The following UEVLD variants were observed in gnomAD, a reference collection of about 807,000 sequenced individuals.
The protein encoded by UEVLD is ubiquitin-conjugating enzyme E2 variant 3.
Under a neutral mutation model 58.6 loss-of-function variants are expected in UEVLD, and 47 were observed. The observed-to-expected ratio is 0.80, with a 90% CI of 0.63 to 1.02. The LOEUF (loss-of-function observed/expected upper bound fraction) is 1.02, where lower values mean the gene tolerates loss of function less well. UEVLD is among the 50% of genes least tolerant of loss of function. The probability of loss-of-function intolerance (pLI) is 0.00; values close to 1 mark genes in which losing one functional copy is unlikely to be tolerated. For synonymous variants in UEVLD, 197 were observed against 195.3 expected (o/e 1.01, Z -0.07); for missense variants, 510 against 550.6 (o/e 0.93, Z 0.74).
chr11:18,572,086 A>G (rs907087575), intron 3 of UEVLD, among the ~76,000 whole-genome samples: 2 of 151,982 alleles, frequency 1.3e-5, no homozygotes, highest in South Asian at 4.2e-4. Context: ...AATACAAAAA[A>G]TTAGCCAGGT....
intron 1 of UEVLD, 34 bp downstream of exon 1, chr11:18,588,579 G>A: frequency 6.2e-7 from 1 of 1,607,304 alleles, no homozygotes; most frequent in Non-Finnish European, 8.5e-7. Flanking sequence ...GCAAGACCCT[G>A]AGGACCCAAA....
intron 9 of UEVLD, 97 bp from the exon 10 acceptor site, chr11:18,536,566 A>G: frequency 2.0e-6 from 2 of 1,014,256 alleles, no homozygotes; most frequent in Admixed American, 2.1e-5. Context: ...CTGTGCTAAT[A>G]TTTATATAGA....
chr11:18,559,028 C>A (rs550360993), intron 6 of UEVLD, among the ~76,000 whole-genome samples: 106 of 151,770 alleles, frequency 7.0e-4, no homozygotes, highest in African/African-American at 2.5e-3. Context: ...GCATGCACCA[C>A]CATGCCCACC....
chr11:18,562,415 G>A (rs1275197559), intron 6 of UEVLD, among the ~76,000 whole-genome samples: 1 of 151,780 alleles, frequency 6.6e-6, no homozygotes, highest in Non-Finnish European at 1.5e-5. Context: ...AGTGGCACAC[G>A]CCTGTAATCC....
rs1850512291 is a variant in UEVLD, at chr11:18,530,204, C to A, written c.*2116G>T. ...GAAATAGTTCTTTCAGTTTTACTTT[C>A]CTATTTCATAAAAAAGGACAGTAAG... is the stretch of plus-strand genomic sequence containing the variant. On this transcript the variant is annotated 3_prime_UTR_variant, in exon 12 of 12. Coordinates refer to ENST00000396197, the MANE Select transcript of UEVLD (RefSeq NM_001040697.4). 1 of 152,088 alleles carries A rather than the reference C, an allele frequency of 6.6e-6. No individual in the cohort carries two copies. Among genetic ancestry groups the A allele is most frequent in the Non-Finnish European group, 1.5e-5 (1 of 68,014 alleles). 9.4% of individuals were successfully genotyped at this position (152,088 alleles called of 1,614,324 possible).
chr11:18,577,282 C>T (rs1234717715), intron 2 of UEVLD, among the ~76,000 whole-genome samples: 1 of 152,146 alleles, frequency 6.6e-6, no homozygotes, highest in East Asian at 1.9e-4. Context: ...GTAACAAAAT[C>T]AGTTATAGTC....
Position 18,530,354 on chromosome 11 carries a change from A to T in UEVLD, c.*1966T>A, listed in dbSNP as rs1850518095. On this transcript the variant is annotated 3_prime_UTR_variant, in exon 12 of 12. Transcript: ENST00000396197. ...AACTCTGGTTGGAATCTTTCCAAGC[A>T]TATTAAATAGTTTTCTGCTTTCCTA... 6.6e-6 allele frequency: 1 copy of T among 152,252 alleles called. No homozygotes were observed. 9.4% of individuals were successfully genotyped at this position (152,252 alleles called of 1,614,324 possible).
At chr11:18,577,770 G>A (rs1852996320) in intron 2 of UEVLD, among the ~76,000 whole-genome samples, 1 of 151,646 alleles carries the variant, frequency 6.6e-6, no homozygotes, top group Admixed American at 6.6e-5. Context: ...TACTCGGAAG[G>A]CTGAGGCAGG....
intron 3 of UEVLD, 28 bp downstream of exon 3, chr11:18,575,319 C>A: frequency 6.3e-7 from 1 of 1,578,570 alleles, no homozygotes; most frequent in South Asian, 1.2e-5. Flanking sequence ...TTAGAAAACT[C>A]ACACATTTTT....
chr11:18,556,096 G>A (rs1387840845), intron 7 of UEVLD, among the ~76,000 whole-genome samples: 2 of 152,170 alleles, frequency 1.3e-5, no homozygotes, highest in African/African-American at 2.4e-5. Context: ...CTATTCCAAG[G>A]ATTCTAGTCT....
At chr11:18,544,993 C>T (rs11024710) in intron 8 of UEVLD, among the ~76,000 whole-genome samples, 197 bp from the exon 9 acceptor site, 24,150 of 103,586 alleles carry the variant, frequency 0.23, 2,508 homozygotes, top group East Asian at 0.54. Context: ...TACATACACA[C>T]ATATATATAC....
At chr11:18,585,574 G>A (rs549667320) in intron 1 of UEVLD, among the ~76,000 whole-genome samples, 138 of 151,954 alleles carry the variant, frequency 9.1e-4, no homozygotes, top group African/African-American at 3.1e-3. Context: ...TTTACTTGCC[G>A]TAGTACTGAT....
At chr11:18,534,816 G>A (rs1043000773) in intron 10 of UEVLD, among the ~76,000 whole-genome samples, 6 of 152,198 alleles carry the variant, frequency 3.9e-5, no homozygotes, top group African/African-American at 7.2e-5. Context: ...AACTGCTATT[G>A]AGAATGTAAA....
At chr11:18,560,138 C>CACACACACACAGAGAG (rs368897951) in intron 6 of UEVLD, among the ~76,000 whole-genome samples, 1 of 74,840 alleles carries the variant, frequency 1.3e-5, no homozygotes, top group South Asian at 6.0e-4. Flanking sequence ...CACACACACA[C>CACACACACACAGAGAG]AGAGAGAGAA....
intron 9 of UEVLD, among the ~76,000 whole-genome samples, chr11:18,540,255 AACCACT>A (rs1247783357): frequency 1.3e-5 from 2 of 152,228 alleles, no homozygotes; most frequent in Non-Finnish European, 1.5e-5. Flanking sequence ...AAATCTGGAA[AACCACT>A]ACCTCCTTCA....
intron 1 of UEVLD, among the ~76,000 whole-genome samples, chr11:18,579,274 G>T (rs1377126259): frequency 1.3e-5 from 2 of 152,100 alleles, no homozygotes; most frequent in African/African-American, 4.8e-5. Flanking sequence ...CAGGTAGGTA[G>T]GGCTTTACAA....
chr11:18,558,506 T>C (rs1431009002), intron 6 of UEVLD, among the ~76,000 whole-genome samples, 176 bp from the exon 7 acceptor site: 1 of 152,080 alleles, frequency 6.6e-6, no homozygotes, highest in Non-Finnish European at 1.5e-5. Context: ...ATTATTAACT[T>C]TGGCTGGGCT....
At position 18,566,379 on chromosome 11, in the gene UEVLD, T is replaced by C; in HGVS notation, c.461A>G (p.Asp154Gly). The change falls in exon 5 of 12, where the codon GAC (aspartate) becomes GGC (glycine). Residue 154 changes from aspartate (D) to glycine (G), a missense_variant. Asp to Gly is a moderately conservative substitution (Grantham distance 94). Transcript: ENST00000396197. ...GATTTTTGCAATATAGGCTAGCAAG[T>C]CTACCTGCCGTGCCTCATCAGATGA... is the stretch of plus-strand genomic sequence containing the variant. ...LSSSDEARQV[D>G]LLAYIAKITE... 6.2e-7 allele frequency: 1 copy of C among 1,614,110 alleles called. No individual in the cohort carries two copies. Among genetic ancestry groups the C allele is most frequent in the South Asian group, 1.1e-5 (1 of 91,072 alleles).
At chr11:18,552,937 C>T (rs1446100327) in intron 7 of UEVLD, among the ~76,000 whole-genome samples, 19 of 151,706 alleles carry the variant, frequency 1.3e-4, no homozygotes, top group Non-Finnish European at 7.4e-5. Flanking sequence ...GGGTGGATCA[C>T]GAGGTCAGCA....
Sources: allele counts gnomAD v4.1 joint callset (sites outside exome capture counted in the v4.1 genomes callset), GRCh38; gene constraint gnomAD v4.1.1; transcripts MANE v1.5; gene names NCBI Gene and HGNC (gene_info 2026-07-23, HGNC 2026-07-21).